CTNNA2: variants seen among roughly 807,000 people sequenced by gnomAD.
CTNNA2 encodes catenin alpha-2.
CTNNA2 carries 42 observed loss-of-function variants against 101.0 expected under a neutral mutation model. The observed-to-expected ratio is 0.42, with a 90% confidence interval of 0.32 to 0.54. CTNNA2 has a LOEUF of 0.54. Among genes scored for constraint, CTNNA2 ranks in the 20% least tolerant of loss-of-function variants. The probability of loss-of-function intolerance (pLI) is 0.14; values close to 1 mark genes in which losing one functional copy is unlikely to be tolerated. For synonymous variants in CTNNA2, 450 were observed against 456.4 expected, an observed-to-expected ratio of 0.99 and a Z score of 0.18; for missense variants, 871 against 1,223.1, an observed-to-expected ratio of 0.71 and a Z score of 4.29.
chr2:79,937,125 C>T (rs1355743812), intron 7 of CTNNA2, among the ~76,000 whole-genome samples: 1 of 152,110 alleles, frequency 6.6e-6, no homozygotes, highest in Non-Finnish European at 1.5e-5. Context: ...ATAGAGGTTT[C>T]TTATTCAATT....
chr2:80,325,725 A>C (rs1679180140), intron 7 of CTNNA2, among the ~76,000 whole-genome samples: 1 of 152,200 alleles, frequency 6.6e-6, no homozygotes, highest in African/African-American at 2.4e-5. Flanking sequence ...CCATGATGAG[A>C]ATTTAGCTTG....
At chr2:80,245,846 G>A (rs1005474382) in intron 7 of CTNNA2, among the ~76,000 whole-genome samples, 2 of 116,908 alleles carry the variant, frequency 1.7e-5, no homozygotes, top group African/African-American at 3.4e-5. Flanking sequence ...CCAGGCTGGA[G>A]TGCAGTGGCT....
intron 4 of CTNNA2, among the ~76,000 whole-genome samples, chr2:79,444,887 A>G (rs887607268): frequency 1.2e-4 from 18 of 152,102 alleles, no homozygotes; most frequent in African/African-American, 3.9e-4. Context: ...AGAAAAATGG[A>G]AGAAATTACT....
At chr2:79,689,216 C>A (rs544536831) in intron 2 of CTNNA2, among the ~76,000 whole-genome samples, 29 of 151,928 alleles carry the variant, frequency 1.9e-4, no homozygotes, top group South Asian at 1.9e-3. Context: ...GTGATCTAAC[C>A]TCAAAAATCA....
At chr2:79,924,156 A>AT (rs1434354923) in intron 7 of CTNNA2, among the ~76,000 whole-genome samples, 1 of 152,108 alleles carries the variant, frequency 6.6e-6, no homozygotes, top group African/African-American at 2.4e-5. Flanking sequence ...AAATTCTGTC[A>AT]TTTTTGGCAA....
chr2:79,853,933 G>C (rs1432846242), intron 3 of CTNNA2, among the ~76,000 whole-genome samples: 3 of 140,144 alleles, frequency 2.1e-5, no homozygotes, highest in Non-Finnish European at 4.9e-5. Flanking sequence ...CTTCCAAAGT[G>C]CTGGGATTAC....
chr2:80,331,898 G>T (rs1671367760), intron 7 of CTNNA2, among the ~76,000 whole-genome samples: 1 of 152,048 alleles, frequency 6.6e-6, no homozygotes, highest in African/African-American at 2.4e-5. Context: ...CTCCATTGAT[G>T]CTACTCCAAT....
chr2:79,970,092 C>T (rs76234767), intron 7 of CTNNA2, among the ~76,000 whole-genome samples: 10,295 of 152,170 alleles, frequency 0.068, 985 homozygotes, highest in East Asian at 0.31. Flanking sequence ...TAGGGGTAAG[C>T]ATTTATGCCC....
At chr2:79,328,256 A>G (rs1234814464) in intron 3 of CTNNA2, among the ~76,000 whole-genome samples, 2 of 152,158 alleles carry the variant, frequency 1.3e-5, no homozygotes, top group Non-Finnish European at 2.9e-5. Context: ...ATCTCAGAGA[A>G]GGGAAGGAGA....
intron 12 of CTNNA2, among the ~76,000 whole-genome samples, chr2:80,567,253 C>T (rs1694143450): frequency 6.6e-6 from 1 of 150,468 alleles, no homozygotes; most frequent in South Asian, 2.1e-4. Context: ...TTACTAAAAT[C>T]ACTAATATAA....
At chr2:80,065,123 A>G (rs1697888385) in intron 7 of CTNNA2, among the ~76,000 whole-genome samples, 1 of 152,058 alleles carries the variant, frequency 6.6e-6, no homozygotes, top group Non-Finnish European at 1.5e-5. Context: ...GTATGATGGG[A>G]ATTGTGCATA....
chr2:80,081,539 T>A (rs1699148336), intron 7 of CTNNA2, among the ~76,000 whole-genome samples: 4 of 151,112 alleles, frequency 2.6e-5, no homozygotes, highest in Admixed American at 2.6e-4. Flanking sequence ...ACTTTGTTCT[T>A]TTCCTGTAAA....
chr2:79,509,394 T>C (rs1206923688), upstream of CTNNA2, among the ~76,000 whole-genome samples: 1 of 152,066 alleles, frequency 6.6e-6, no homozygotes, highest in Admixed American at 6.6e-5. Flanking sequence ...GGATAAGTTG[T>C]GGTAAATAGA....
chr2:80,436,273 G>T (rs1324448967), intron 9 of CTNNA2, among the ~76,000 whole-genome samples: 1 of 152,158 alleles, frequency 6.6e-6, no homozygotes, highest in African/African-American at 2.4e-5. Flanking sequence ...AGGTCTCATT[G>T]TTCTATGTGT....
chr2:80,503,825 C>T (rs1688061954), intron 9 of CTNNA2, among the ~76,000 whole-genome samples: 1 of 152,046 alleles, frequency 6.6e-6, no homozygotes, highest in South Asian at 2.1e-4. Flanking sequence ...GAGCCCTGAG[C>T]TTCCAAGCCA....
Position 79,323,573 on chromosome 2 carries a change from G to C in CTNNA2, c.-318+10777G>C, listed in dbSNP as rs192026440. Among the ~76,000 whole-genome samples the C allele has an allele frequency of 3.3e-5, 5 of 152,162 alleles. No individual in the cohort carries two copies. In the East Asian group the frequency reaches 9.7e-4, roughly 29 times the overall value. Reference sequence around the variant, plus strand: ...TAAAACAAAACAAACAAAAAAAACAGATCCACAATTTTTTTCTGGCATGTT... The same window carrying C: ...TAAAACAAAACAAACAAAAAAAACACATCCACAATTTTTTTCTGGCATGTT... On this transcript the variant is annotated intron_variant, in intron 3 of 21. Coordinates refer to the CTNNA2 transcript ENST00000466387.
intron 1 of CTNNA2, among the ~76,000 whole-genome samples, chr2:79,638,144 C>A (rs928146967): frequency 6.6e-5 from 10 of 152,130 alleles, no homozygotes; most frequent in Admixed American, 4.6e-4. Context: ...CTGTAGTGTT[C>A]AGTGGAATCA....
At chr2:79,515,511 T>A (rs1055136127) in intron 1 of CTNNA2, among the ~76,000 whole-genome samples, 4 of 152,140 alleles carry the variant, frequency 2.6e-5, no homozygotes, top group African/African-American at 9.7e-5. Flanking sequence ...TATGCCCCAG[T>A]TTTTGATACT....
chr2:80,392,018 TA>T (rs1402884648), intron 7 of CTNNA2, among the ~76,000 whole-genome samples: 1 of 152,166 alleles, frequency 6.6e-6, no homozygotes, highest in Non-Finnish European at 1.5e-5. Flanking sequence ...AAAAAATAGT[TA>T]ATTAAGCAAG....
Sources: allele counts gnomAD v4.1 joint callset (sites outside exome capture counted in the v4.1 genomes callset), GRCh38; gene constraint gnomAD v4.1.1; transcripts MANE v1.5; gene names NCBI Gene and HGNC (gene_info 2026-07-23, HGNC 2026-07-21).